The following SMARCA2 variants were observed in gnomAD, a reference collection of about 807,000 sequenced individuals.
The protein encoded by SMARCA2 is SWI/SNF related BAF chromatin remodeling complex subunit ATPase 2.
In SMARCA2, 61 loss-of-function variants were observed where a neutral mutation model predicts 199.8. That is an observed-to-expected ratio of 0.31 (90% CI 0.25 to 0.38). SMARCA2 has a LOEUF of 0.38. SMARCA2 is among the 10% of genes least tolerant of loss of function. SMARCA2 has a pLI of 1.00. For synonymous variants in SMARCA2, 935 were observed against 732.0 expected (o/e 1.28, Z -4.48); for missense variants, 1,344 against 2,012.2 (o/e 0.67, Z 6.35).
At chr9:2,064,080 C>T (rs986526323) in intron 9 of SMARCA2, among the ~76,000 whole-genome samples, 1 of 152,118 alleles carries the variant, frequency 6.6e-6, no homozygotes, top group African/African-American at 2.4e-5. Context: ...GATGAATGTG[C>T]TATTATGTGC....
chr9:2,107,316 T>TATTTA (rs1472158458), intron 23 of SMARCA2, among the ~76,000 whole-genome samples: 1 of 152,166 alleles, frequency 6.6e-6, no homozygotes, highest in Non-Finnish European at 1.5e-5. Context: ...TTATACAGTT[T>TATTTA]ATTTAATTTA....
At position 2,164,438 on chromosome 9, in the gene SMARCA2, G is replaced by A. The variant is rs552111001; in HGVS notation, c.4199+2535G>A. 6.9e-4 allele frequency among the ~76,000 whole-genome samples: 105 copies of A among 152,296 alleles called. No homozygotes were observed. The Middle Eastern group carries it at 0.02, about 30-fold the overall frequency. ...ATTTACTTAATCTCCCTGAGCCTCA[G>A]TTTCCCCATCCCAGAATCCCAGAAA... On this transcript the variant is annotated intron_variant, in intron 28 of 33. Coordinates refer to ENST00000349721, the MANE Select transcript of SMARCA2 (RefSeq NM_003070.5).
At chr9:2,019,004 G>T (rs1818484427) in intron 1 of SMARCA2, among the ~76,000 whole-genome samples, 1 of 152,072 alleles carries the variant, frequency 6.6e-6, no homozygotes, top group South Asian at 2.1e-4. Context: ...GAATCTAATT[G>T]CTCTTTTATT....
intron 4 of SMARCA2, chr9:2,041,496 T>C (rs1480515788): frequency 2.5e-6 from 1 of 398,352 alleles, no homozygotes; most frequent in African/African-American, 2.1e-5. Context: ...ATCCCAATTA[T>C]GAGGACTCTA....
rs544116898 is a variant in SMARCA2, at chr9:2,109,915, A to G, written c.3293-339A>G. ...GTGAGAGTGAAAGAGACAGGGCGAG[A>G]GAGGAAGTGTGTGTGTTCTTAAAAT... On this transcript the variant is annotated intron_variant, in intron 23 of 33. Coordinates refer to ENST00000349721, the MANE Select transcript of SMARCA2 (RefSeq NM_003070.5). 7.9e-5 allele frequency among the ~76,000 whole-genome samples: 12 copies of G among 152,322 alleles called. No individual in the cohort carries two copies. The South Asian group carries it at 2.3e-3, about 29-fold the overall frequency.
intron 28 of SMARCA2, among the ~76,000 whole-genome samples, chr9:2,163,665 G>A (rs555038050): frequency 2.4e-4 from 37 of 152,272 alleles, no homozygotes; most frequent in African/African-American, 5.8e-4. Flanking sequence ...AGAGTGTAAC[G>A]TCTGTTTCTC....
chr9:2,040,054 A>G (rs2130251901), intron 4 of SMARCA2, 154 bp downstream of exon 4: 1 of 1,387,262 alleles, frequency 7.2e-7, no homozygotes, highest in Middle Eastern at 2.1e-4. Context: ...TAGATGGCCA[A>G]GATTCTTGGT....
chr9:2,186,341 C>G, intron 32 of SMARCA2, 113 bp downstream of exon 32: 1 of 1,135,756 alleles, frequency 8.8e-7, no homozygotes, highest in Admixed American at 2.6e-5. Context: ...GATTGGAGCC[C>G]TTATTCCACT....
intron 19 of SMARCA2, among the ~76,000 whole-genome samples, chr9:2,095,892 G>A (rs1822254431): frequency 6.6e-6 from 1 of 152,112 alleles, no homozygotes; most frequent in Non-Finnish European, 1.5e-5. Context: ...ATTAAATAAA[G>A]AAAAACAATG....
In SMARCA2 at chr9:2,123,514, G is replaced by C. The variant is rs916403080; in HGVS notation, c.3763-205G>C. Among the ~76,000 whole-genome samples the C allele has an allele frequency of 1.3e-5, 2 of 152,130 alleles. No homozygotes were observed. The highest frequency in any genetic ancestry group is 4.8e-5 in the African/African-American group (2 of 41,424). Reference sequence around the variant, plus strand: ...AATGTATGAATAAGTTTCAAAAGGTGGGTACAGAAAAAGGGAGGGGATTTT... The same window carrying C: ...AATGTATGAATAAGTTTCAAAAGGTCGGTACAGAAAAAGGGAGGGGATTTT... On this transcript the variant is annotated intron_variant, in intron 26 of 33. Transcript: ENST00000349721. This position sits in a 1 kb window ranked among gnomAD's most constrained non-coding sequence, Gnocchi z 4.1.
rs1827442474 is a variant in SMARCA2 at position 2,186,221 on chromosome 9, G to C, written c.4587G>C (p.Glu1529Asp). Reference protein sequence around the residue: ...EEEEEDEEESESEAKSVKVKI... With the variant: ...EEEEEDEEESDSEAKSVKVKI... Reference sequence around the variant, plus strand: ...AAGAGGAAGATGAAGAAGAGTCAGAGTCCGAGGGTAAGCCCAGACATTCGG... The same window carrying C: ...AAGAGGAAGATGAAGAAGAGTCAGACTCCGAGGGTAAGCCCAGACATTCGG... Residue 1529 changes from glutamate to aspartate, a missense_variant, in exon 32 of 34, where the codon GAG (glutamate) becomes GAC (aspartate). Around this residue, in one of 18 missense-constraint regions of SMARCA2, gnomAD observed 155 missense variants for 121.1 expected, o/e 1.28. Coordinates refer to ENST00000349721, the MANE Select transcript of SMARCA2 (RefSeq NM_003070.5). 1 of 1,613,812 alleles carries C rather than the reference G, an allele frequency of 6.2e-7. No homozygotes were observed.
rs754621413 is a variant in SMARCA2, at chr9:2,058,475, C to A, written c.1521+11C>A. 2 of 1,612,102 alleles carry A rather than the reference C, an allele frequency of 1.2e-6. No individual in the cohort carries two copies. Among genetic ancestry groups the A allele is most frequent in the Non-Finnish European group, 1.7e-6 (2 of 1,178,668 alleles). On this transcript the variant is annotated intron_variant, in intron 8 of 33. Transcript: ENST00000349721. ...ATGCGGCGACTGATGGTAAGGAACTCCCTGCAGGAGCCCAGGAAACTACTC... is the reference window on the plus strand; with the variant it reads ...ATGCGGCGACTGATGGTAAGGAACTACCTGCAGGAGCCCAGGAAACTACTC...
chr9:2,105,969 TG>T (rs1234336368), intron 23 of SMARCA2, among the ~76,000 whole-genome samples: 2 of 152,256 alleles, frequency 1.3e-5, no homozygotes, highest in Non-Finnish European at 2.9e-5. Flanking sequence ...CATGTTTTCT[TG>T]TCAGCCTGAG....
At chr9:2,106,694 T>C (rs1822769531) in intron 23 of SMARCA2, among the ~76,000 whole-genome samples, 1 of 152,230 alleles carries the variant, frequency 6.6e-6, no homozygotes, top group Admixed American at 6.5e-5. Context: ...AAAAAATCAC[T>C]TGATGAGAGC....
intron 32 of SMARCA2, among the ~76,000 whole-genome samples, chr9:2,186,792 C>T (rs1827490203): frequency 6.6e-6 from 1 of 152,248 alleles, no homozygotes; most frequent in African/African-American, 2.4e-5. Flanking sequence ...TCCCAAAGTG[C>T]TGGGATTATA....
At position 2,161,204 on chromosome 9, in the gene SMARCA2, A is replaced by G. The variant is rs981418640; in HGVS notation, c.3982-482A>G. On this transcript the variant is annotated intron_variant, in intron 27 of 33. Coordinates refer to ENST00000349721, the MANE Select transcript of SMARCA2 (RefSeq NM_003070.5). This position sits in a 1 kb window ranked among gnomAD's most constrained non-coding sequence, Gnocchi z 4.7. ...ATTTTGATTTATATTGTTAATCATG[A>G]ATAAATTGATGCAAAACCTGAAGAA... is the stretch of plus-strand genomic sequence containing the variant. Among the ~76,000 whole-genome samples the G allele has an allele frequency of 1.3e-5, 2 of 152,228 alleles. No homozygotes were observed. The highest frequency in any genetic ancestry group is 6.5e-5 in the Admixed American group (1 of 15,280).
chr9:2,164,234 G>A (rs898459716), intron 28 of SMARCA2, among the ~76,000 whole-genome samples: 1 of 152,174 alleles, frequency 6.6e-6, no homozygotes, highest in African/African-American at 2.4e-5. Flanking sequence ...ATACATGGCT[G>A]TGGGCTGACC....
In SMARCA2 at chr9:2,086,755, CCA is replaced by C. The variant is rs1322589030; in HGVS notation, c.2527-72_2527-71del. On this transcript the variant is annotated intron_variant, in intron 17 of 33. Transcript: ENST00000349721. This position sits in a 1 kb window ranked among gnomAD's most constrained non-coding sequence, Gnocchi z 4.3. ...AGGATGGGTTCTTTGGTTTTCCGCACCACCACTTGCTTGTTGGAAATAGTTGT... is the reference window on the plus strand; with the variant it reads ...AGGATGGGTTCTTTGGTTTTCCGCACCCACTTGCTTGTTGGAAATAGTTGT... 2 of 1,559,826 alleles carry C rather than the reference CCA, an allele frequency of 1.3e-6. No homozygotes were observed. The highest frequency in any genetic ancestry group is 1.1e-5 in the South Asian group (1 of 87,084).
chr9:2,160,129 T>A, intron 27 of SMARCA2: 2 of 579,360 alleles, frequency 3.5e-6, no homozygotes, highest in South Asian at 5.2e-5. Flanking sequence ...CTTTTCTTAA[T>A]CTTCGCTTAG....
Sources: gnomAD v4.1 joint callset for allele counts (sites outside exome capture counted in the v4.1 genomes callset) on GRCh38, gnomAD v4.1.1 for gene constraint, gnomAD v4.1.1 regional missense constraint, Gnocchi (gnomAD v3.1) non-coding constraint, MANE v1.5 for transcripts, NCBI Gene and HGNC (gene_info 2026-07-23, HGNC 2026-07-21) for gene names.